TECTA: variants seen among roughly 807,000 people sequenced by gnomAD.
TECTA encodes the protein alpha-tectorin.
TECTA carries 128 observed loss-of-function variants against 216.8 expected under a neutral mutation model. That is an observed-to-expected ratio of 0.59 (90% CI 0.51 to 0.68). TECTA has a LOEUF of 0.68. Ranked by LOEUF, TECTA falls within the 30% of genes least tolerant of loss-of-function variation. The probability of loss-of-function intolerance (pLI) is 0.00; values close to 1 mark genes in which losing one functional copy is unlikely to be tolerated. For synonymous variants in TECTA, 1,089 were observed against 1,117.1 expected, an observed-to-expected ratio of 0.97 and a Z score of 0.50; for missense variants, 2,551 against 2,786.2, an observed-to-expected ratio of 0.92 and a Z score of 1.90.
intron 12 of TECTA, among the ~76,000 whole-genome samples, chr11:121,150,736 C>G (rs957386766): frequency 1.3e-5 from 2 of 150,818 alleles, no homozygotes; most frequent in African/African-American, 2.4e-5. Context: ...ACCACCGCCT[C>G]CTGGGTTCAA....
intron 12 of TECTA, 139 bp from the exon 13 acceptor site, chr11:121,152,742 T>A (rs1221864740): frequency 1.3e-5 from 11 of 828,986 alleles, no homozygotes; most frequent in Non-Finnish European, 2.0e-5. Context: ...AGGGCAGTAA[T>A]GAAGAAAGGC....
Position 121,184,811 on chromosome 11 carries a change from T to C in TECTA, c.6000-3021T>C, listed in dbSNP as rs192371904. Reference sequence around the variant, plus strand: ...CAAAGACCTCACTAAGGTATTTGTATTTCTGAATTGATGTTTATCCTCCTC... The same window carrying C: ...CAAAGACCTCACTAAGGTATTTGTACTTCTGAATTGATGTTTATCCTCCTC... On this transcript the variant is annotated intron_variant, in intron 20 of 23. Coordinates refer to ENST00000392793, the MANE Select transcript of TECTA (RefSeq NM_005422.4). Among the ~76,000 whole-genome samples the C allele has an allele frequency of 3.9e-5, 6 of 152,300 alleles. No homozygotes were observed. The East Asian group carries it at 7.7e-4, about 20-fold the overall frequency.
At chr11:121,120,248 G>A (rs977499748) in intron 7 of TECTA, among the ~76,000 whole-genome samples, 1 of 152,174 alleles carries the variant, frequency 6.6e-6, no homozygotes, top group Non-Finnish European at 1.5e-5. Flanking sequence ...CATCGTCCAA[G>A]CATAGGGCAT....
chr11:121,151,123 C>T (rs1297492711), intron 12 of TECTA, among the ~76,000 whole-genome samples: 1 of 152,166 alleles, frequency 6.6e-6, no homozygotes, highest in Non-Finnish European at 1.5e-5. Context: ...GGAGATGGCA[C>T]ATATCGCATT....
chr11:121,178,271 C>A (rs981785296), intron 20 of TECTA, among the ~76,000 whole-genome samples: 2 of 152,230 alleles, frequency 1.3e-5, no homozygotes, highest in Admixed American at 1.3e-4. Context: ...TCTTCTGCGT[C>A]GCTCACGCTG....
Position 121,167,234 on chromosome 11 carries a change from C to T in TECTA, c.5586+454C>T, listed in dbSNP as rs557772449. On this transcript the variant is annotated intron_variant, in intron 18 of 23. Coordinates refer to ENST00000392793, the MANE Select transcript of TECTA (RefSeq NM_005422.4). The stretch of plus-strand genomic sequence containing the variant: ...CTGCTAGAGGCCAGGAATTCAAGAC[C>T]GGCCCAGGCAACATCGCAAGACCCT... Among the ~76,000 whole-genome samples, 23 of 152,246 alleles carry T rather than the reference C, an allele frequency of 1.5e-4. 1 individual carries two copies. The South Asian group carries it at 2.3e-3, about 15-fold the overall frequency.
At chr11:121,133,459 CA>C (rs1946694789) in intron 10 of TECTA, among the ~76,000 whole-genome samples, 1 of 152,118 alleles carries the variant, frequency 6.6e-6, no homozygotes, top group Non-Finnish European at 1.5e-5. Flanking sequence ...TTTGGGGTGC[CA>C]GGATGGGGAA....
rs1167710320 is a variant in TECTA at position 121,113,476 on chromosome 11, A to C, written c.625-77A>C. The C allele has an allele frequency of 3.3e-5, 52 of 1,589,948 alleles. No individual in the cohort carries two copies. The highest frequency in any genetic ancestry group is 4.4e-5 in the Non-Finnish European group (51 of 1,159,032). On this transcript the variant is annotated intron_variant, in intron 5 of 23. Transcript: ENST00000392793. The surrounding 1 kb of genome is among the most constrained non-coding windows in gnomAD (Gnocchi z 4.2). ...CTTGATTTTAGAGGTGCTGGATTTT[A>C]AAAATAAGGTAGTTGGGCCAGTTAA...
At chr11:121,118,833 G>A in intron 7 of TECTA, 115 bp downstream of exon 7, 1 of 1,358,222 alleles carries the variant, frequency 7.4e-7, no homozygotes. Flanking sequence ...GTGCCAAAGA[G>A]ATGCACAGCT....
At chr11:121,132,367 C>T (rs1946683084) in intron 10 of TECTA, among the ~76,000 whole-genome samples, 1 of 152,198 alleles carries the variant, frequency 6.6e-6, no homozygotes, top group African/African-American at 2.4e-5. Context: ...CTTCATCATT[C>T]GTTGCTTTCC....
At chr11:121,150,575 A>G (rs1191085190) in intron 12 of TECTA, among the ~76,000 whole-genome samples, 1 of 152,216 alleles carries the variant, frequency 6.6e-6, no homozygotes. Flanking sequence ...TTAAAAATGA[A>G]TACAAAGTCA....
rs756384857 is a variant in TECTA, at chr11:121,113,508, G to A, written c.625-45G>A. The A allele has an allele frequency of 2.5e-6, 4 of 1,612,702 alleles. No individual in the cohort carries two copies. The Admixed American group carries it at 5.0e-5, about 20-fold the overall frequency. On this transcript the variant is annotated intron_variant, in intron 5 of 23. Transcript: ENST00000392793. The surrounding 1 kb of genome is among the most constrained non-coding windows in gnomAD (Gnocchi z 4.2). ...AGGTAGTTGGGCCAGTTAACCCATG[G>A]GGAATTTTTGTACTCAAAAATCTTG... is the stretch of plus-strand genomic sequence containing the variant.
chr11:121,106,539 T>C (rs1946391810), intron 3 of TECTA, among the ~76,000 whole-genome samples: 1 of 152,166 alleles, frequency 6.6e-6, no homozygotes, highest in Admixed American at 6.5e-5. Flanking sequence ...TAGGCACCTG[T>C]GTTCTCAGGT....
Position 121,135,290 on chromosome 11 carries a change from A to C in TECTA, c.2942-2131A>C, listed in dbSNP as rs1221991431. ...TCCTGTTGGCAGAGCCAGGCTGCCC[A>C]ATTAAATAATTTCACACAGGCATTC... On this transcript the variant is annotated intron_variant, in intron 10 of 23. Transcript: ENST00000392793. Among the ~76,000 whole-genome samples the C allele has an allele frequency of 3.3e-5, 5 of 152,238 alleles. No individual in the cohort carries two copies. In the East Asian group the frequency reaches 9.6e-4, roughly 29 times the overall value.
At chr11:121,184,917 G>A (rs1028418678) in intron 20 of TECTA, among the ~76,000 whole-genome samples, 1 of 152,154 alleles carries the variant, frequency 6.6e-6, no homozygotes, top group African/African-American at 2.4e-5. Context: ...TTATCCTTTT[G>A]TCCATGTTTC....
intron 20 of TECTA, among the ~76,000 whole-genome samples, chr11:121,184,332 C>T (rs1468811484): frequency 1.3e-5 from 2 of 152,320 alleles, no homozygotes; most frequent in Middle Eastern, 3.4e-3. Context: ...TAGACACTGG[C>T]AATCCTAGAC....
At chr11:121,187,546 T>TTC (rs1947299697) in intron 20 of TECTA, among the ~76,000 whole-genome samples, 1 of 152,246 alleles carries the variant, frequency 6.6e-6, no homozygotes, top group Non-Finnish European at 1.5e-5. Flanking sequence ...AATGAGAAAC[T>TTC]GAAGCGTGGG....
intron 20 of TECTA, among the ~76,000 whole-genome samples, chr11:121,175,170 G>T (rs1293455499): frequency 8.6e-5 from 13 of 151,764 alleles, no homozygotes; most frequent in Non-Finnish European, 1.9e-4. Context: ...TTTTTGAAGG[G>T]TTTTTTTGTG....
chr11:121,158,069 G>C lies in TECTA; in HGVS notation c.4534G>C (p.Val1512Leu). Reference protein sequence around the residue: ...FLRFPANCAFVLSTICQKLPD... With the variant: ...FLRFPANCAFLLSTICQKLPD... ...GCGCTTCCCAGCCAACTGCGCCTTCGTGCTGTCCACCATCTGCCAGAAACT... is the reference window on the plus strand; with the variant it reads ...GCGCTTCCCAGCCAACTGCGCCTTCCTGCTGTCCACCATCTGCCAGAAACT... Residue 1512 changes from valine (V) to leucine (L), a missense_variant, in exon 14 of 24, where the codon GTG (valine) becomes CTG (leucine). By Grantham distance (32) the Val-to-Leu change is conservative. Coordinates refer to ENST00000392793, the MANE Select transcript of TECTA (RefSeq NM_005422.4). 6.2e-7 allele frequency: 1 copy of C among 1,613,814 alleles called. No individual in the cohort carries two copies. The highest frequency in any genetic ancestry group is 8.5e-7 in the Non-Finnish European group (1 of 1,180,000).
Sources: gnomAD v4.1 joint callset for allele counts (sites outside exome capture counted in the v4.1 genomes callset) on GRCh38, gnomAD v4.1.1 for gene constraint, Gnocchi (gnomAD v3.1) non-coding constraint, MANE v1.5 for transcripts, NCBI Gene and HGNC (gene_info 2026-07-23, HGNC 2026-07-21) for gene names.